Variants in HIVEP1 observed in about 807,000 individuals in gnomAD.
HIVEP1 encodes the protein HIVEP zinc finger 1.
Under a neutral mutation model 180.0 loss-of-function variants are expected in HIVEP1, and 36 were observed. The observed-to-expected ratio is 0.20, with a 90% confidence interval of 0.15 to 0.26. The LOEUF (loss-of-function observed/expected upper bound fraction) is 0.26. Ranked by LOEUF, HIVEP1 falls within the 10% of genes least tolerant of loss-of-function variation. HIVEP1 has a pLI of 1.00. For missense variants in HIVEP1, 3,143 were observed against 3,268.7 expected (o/e 0.96, Z 0.94); for synonymous variants, 1,239 against 1,239.0 (o/e 1.00, Z 0.00).
At chr6:12,072,635 T>G (rs979747940) in intron 2 of HIVEP1, among the ~76,000 whole-genome samples, 5 of 152,202 alleles carry the variant, frequency 3.3e-5, no homozygotes, top group African/African-American at 1.2e-4. Context: ...TTCCACAGTT[T>G]GTTCATTTTT....
chr6:12,026,672 G>C (rs1000897703), intron 2 of HIVEP1, among the ~76,000 whole-genome samples: 1 of 152,174 alleles, frequency 6.6e-6, no homozygotes, highest in Non-Finnish European at 1.5e-5. Flanking sequence ...TCGTTCGGTG[G>C]CTAGGCAGTA....
intron 4 of HIVEP1, among the ~76,000 whole-genome samples, chr6:12,126,108 A>G (rs1032582013): frequency 1.3e-5 from 2 of 152,160 alleles, no homozygotes; most frequent in Non-Finnish European, 2.9e-5. Context: ...TACCCTGAGC[A>G]CTTTTCTTTT....
chr6:12,189,457 AG>A, the HIVEP1 span, among the ~76,000 whole-genome samples: 1 of 152,172 alleles, frequency 6.6e-6, no homozygotes, highest in Non-Finnish European at 1.5e-5. Context: ...AATAATTCAA[AG>A]GAAAAATGAA....
upstream of HIVEP1, among the ~76,000 whole-genome samples, chr6:12,011,432 A>C (rs1393674347): frequency 6.7e-6 from 1 of 150,368 alleles, no homozygotes; most frequent in Admixed American, 6.6e-5. Flanking sequence ...TCCCGGACCA[A>C]CCGCCCCCAA....
Position 12,143,942 on chromosome 6 carries a change from G to A in HIVEP1, c.6487+8050G>A, listed in dbSNP as rs76069888. Among the ~76,000 whole-genome samples the A allele has an allele frequency of 1.2e-4, 18 of 152,218 alleles. 1 individual carries two copies. Among genetic ancestry groups the A allele is most frequent in the South Asian group, 8.3e-4 (4 of 4,820 alleles). On this transcript the variant is annotated intron_variant, in intron 7 of 8. Transcript: ENST00000379388. ...CTCATGGATAGGAAGAATCAACAAC[G>A]TGAAAATGGCCATACTGCCCAAGGT...
chr6:12,023,734 C>G (rs1440813671), intron 2 of HIVEP1, among the ~76,000 whole-genome samples: 4 of 151,946 alleles, frequency 2.6e-5, no homozygotes, highest in African/African-American at 9.7e-5. Context: ...TAACGTTAGC[C>G]AAATGCTTCT....
the HIVEP1 span, among the ~76,000 whole-genome samples, chr6:12,174,664 C>T: frequency 6.6e-6 from 1 of 152,130 alleles, no homozygotes; most frequent in African/African-American, 2.4e-5. Flanking sequence ...GAAGACACAA[C>T]AGATTCAGGC....
At chr6:12,198,112 A>G in the HIVEP1 span, among the ~76,000 whole-genome samples, 8 of 152,334 alleles carry the variant, frequency 5.3e-5, no homozygotes, top group African/African-American at 1.9e-4. Context: ...GAGGATGCAT[A>G]TTAGTCAGTG....
At position 12,043,482 on chromosome 6, in the gene HIVEP1, C is replaced by G. The variant is rs1769913578; in HGVS notation, c.40+27814C>G. Among the ~76,000 whole-genome samples, 2 of 151,834 alleles carry G rather than the reference C, an allele frequency of 1.3e-5. 1 individual carries two copies. Among genetic ancestry groups the G allele is most frequent in the South Asian group, 4.2e-4 (2 of 4,806 alleles). ...GTTCAAGTGATTCTCCTGCCTCAGC[C>G]TCCCAAATAGCTGGGATTACAGGAC... is the stretch of plus-strand genomic sequence containing the variant. On this transcript the variant is annotated intron_variant, in intron 2 of 8. Transcript: ENST00000379388.
At chr6:12,152,977 A>G (rs1481980436) in intron 7 of HIVEP1, among the ~76,000 whole-genome samples, 1 of 152,236 alleles carries the variant, frequency 6.6e-6, no homozygotes, top group East Asian at 1.9e-4. Flanking sequence ...TAAATTATTC[A>G]TATTATTTGC....
At chr6:12,097,565 C>T (rs1180869986) in intron 3 of HIVEP1, among the ~76,000 whole-genome samples, 2 of 152,022 alleles carry the variant, frequency 1.3e-5, no homozygotes, top group Non-Finnish European at 2.9e-5. Flanking sequence ...TTTAAATATT[C>T]ACATCTTACG....
intron 2 of HIVEP1, among the ~76,000 whole-genome samples, chr6:12,075,368 C>A (rs1253140939): frequency 1.3e-5 from 2 of 152,162 alleles, no homozygotes; most frequent in African/African-American, 2.4e-5. Flanking sequence ...GTGTGCAAAC[C>A]TGACTCCTAG....
rs147101715 is a variant in HIVEP1 at position 12,071,066 on chromosome 6, G to T, written c.41-18118G>T. Among the ~76,000 whole-genome samples, 9 of 152,276 alleles carry T rather than the reference G, an allele frequency of 5.9e-5. No homozygotes were observed. The East Asian group carries it at 1.7e-3, about 29-fold the overall frequency. ...CATCAGTCTATAGTGTTCTGTTCCAGCATTCTTTTGAAGCATCTCTCTTGG... is the reference window on the plus strand; with the variant it reads ...CATCAGTCTATAGTGTTCTGTTCCATCATTCTTTTGAAGCATCTCTCTTGG... On this transcript the variant is annotated intron_variant, in intron 2 of 8. Coordinates refer to ENST00000379388, the MANE Select transcript of HIVEP1 (RefSeq NM_002114.4).
At chr6:12,115,754 TTAGTAA>T (rs1169390389) in intron 3 of HIVEP1, among the ~76,000 whole-genome samples, 1 of 152,032 alleles carries the variant, frequency 6.6e-6, no homozygotes, top group Admixed American at 6.6e-5. Context: ...ATGTCTAAAC[TTAGTAA>T]TGGTAAAAAC....
intron 4 of HIVEP1, chr6:12,129,505 T>TA (rs1758289511): frequency 8.7e-6 from 5 of 571,580 alleles, no homozygotes; most frequent in South Asian, 6.3e-5. Flanking sequence ...TAGGAGGTTG[T>TA]AAAGCCTTTA....
intron 2 of HIVEP1, among the ~76,000 whole-genome samples, chr6:12,020,078 T>C (rs1283794173): frequency 6.6e-6 from 1 of 152,182 alleles, no homozygotes; most frequent in Admixed American, 6.5e-5. Context: ...AGAAGAATTG[T>C]TAGGTTAAGG....
At position 12,123,409 on chromosome 6, in the gene HIVEP1, A is replaced by T; in HGVS notation, c.3614A>T (p.Glu1205Val). The change falls in exon 4 of 9, where the codon GAA becomes GTA. Residue 1205 changes from glutamate to valine, a missense_variant. Glu to Val is a moderately radical substitution (Grantham distance 121, BLOSUM62 -2). This residue lies in a region of HIVEP1 where 1,357 missense variants were observed against 1,260.5 expected (regional missense o/e 1.08). Coordinates refer to ENST00000379388, the MANE Select transcript of HIVEP1 (RefSeq NM_002114.4). ...GCACTATCAGACGCTCTCAGAGGAG[A>T]ACTTCAGGAAAGCTCCAGAAAGAGT... ...QLALSDALRG[E>V]LQESSRKSPS... 6.2e-7 allele frequency: 1 copy of T among 1,614,198 alleles called. No homozygotes were observed.
At chr6:12,182,455 T>C in the HIVEP1 span, among the ~76,000 whole-genome samples, 16 of 152,350 alleles carry the variant, frequency 1.1e-4, no homozygotes, top group East Asian at 3.1e-3. Context: ...CTAAGAGATC[T>C]ATTGTCCCAT....
Position 12,124,293 on chromosome 6 carries a change from T to G in HIVEP1, c.4498T>G (p.Ser1500Ala). ...GCAGGCAGAAACATCAAACTCCAGCTCTACCAACGTTTTTCCTGTTCAACA... is the reference window on the plus strand; with the variant it reads ...GCAGGCAGAAACATCAAACTCCAGCGCTACCAACGTTTTTCCTGTTCAACA... ...DLQAETSNSS[S>A]TNVFPVQQLC... Residue 1500 changes from serine to alanine, a missense_variant, in exon 4 of 9, where the codon TCT (serine) becomes GCT (alanine). Coordinates refer to ENST00000379388, the MANE Select transcript of HIVEP1 (RefSeq NM_002114.4). The G allele has an allele frequency of 6.2e-7, 1 of 1,614,094 alleles. No homozygotes were observed. Among genetic ancestry groups the G allele is most frequent in the Non-Finnish European group, 8.5e-7 (1 of 1,180,020 alleles).
Sources: gnomAD v4.1 joint callset for allele counts (sites outside exome capture counted in the v4.1 genomes callset) on GRCh38, gnomAD v4.1.1 for gene constraint, gnomAD v4.1.1 regional missense constraint, MANE v1.5 for transcripts, NCBI Gene and HGNC (gene_info 2026-07-23, HGNC 2026-07-21) for gene names.